Variants in CSMD1 observed in about 807,000 individuals in gnomAD.
The protein encoded by CSMD1 is CUB and Sushi multiple domains 1, also known as CUB and sushi domain-containing protein 1.
Under a neutral mutation model 417.5 loss-of-function variants are expected in CSMD1, and 213 were observed. The ratio of observed to expected loss-of-function variants is 0.51; its 90% CI spans 0.46 to 0.57. CSMD1 has a LOEUF of 0.57. Among genes scored for constraint, CSMD1 ranks in the 20% least tolerant of loss-of-function variants. The pLI, the probability that CSMD1 is intolerant of heterozygous loss-of-function variation, is 0.00. For synonymous variants in CSMD1, 2,862 were observed against 1,736.8 expected, an observed-to-expected ratio of 1.65 and a Z score of -16.11; for missense variants, 6,923 against 4,529.7, an observed-to-expected ratio of 1.53 and a Z score of -15.17.
intron 2 of CSMD1, among the ~76,000 whole-genome samples, chr8:4,544,135 T>G (rs1292843277): frequency 6.6e-6 from 1 of 152,160 alleles, no homozygotes; most frequent in Non-Finnish European, 1.5e-5. Flanking sequence ...AAGTCCAACT[T>G]AAATGATTTT....
Position 3,818,018 on chromosome 8 carries a change from C to T in CSMD1, c.819-63976G>A, listed in dbSNP as rs566939906. On this transcript the variant is annotated intron_variant, in intron 5 of 69. Coordinates refer to ENST00000635120, the MANE Select transcript of CSMD1 (RefSeq NM_033225.6). ...AGCCCATTTTTACTTTATTTTAAAA[C>T]CTTCCAACCCCAAACCACGACTCTC... is the stretch of plus-strand genomic sequence containing the variant. Among the ~76,000 whole-genome samples, 4 of 152,284 alleles carry T rather than the reference C, an allele frequency of 2.6e-5. No individual in the cohort carries two copies. In the South Asian group the frequency reaches 6.2e-4, roughly 24 times the overall value.
At chr8:3,470,014 C>T (rs758320586) in intron 11 of CSMD1, among the ~76,000 whole-genome samples, 3 of 152,070 alleles carry the variant, frequency 2.0e-5, no homozygotes, top group South Asian at 2.1e-4. Flanking sequence ...AGCCAAAAAG[C>T]GCACAGATCG....
At chr8:4,317,884 C>A (rs1301100206) in intron 3 of CSMD1, among the ~76,000 whole-genome samples, 2 of 152,100 alleles carry the variant, frequency 1.3e-5, no homozygotes, top group Middle Eastern at 3.2e-3. Flanking sequence ...AAAATATGTT[C>A]TGTCTTTCAG....
intron 5 of CSMD1, among the ~76,000 whole-genome samples, chr8:3,813,096 T>C (rs1585035830): frequency 6.6e-6 from 1 of 151,732 alleles, no homozygotes; most frequent in African/African-American, 2.4e-5. Context: ...AGCTAGTTTT[T>C]TTTTTTTTTT....
intron 49 of CSMD1, among the ~76,000 whole-genome samples, chr8:3,080,535 C>G (rs986804296): frequency 6.6e-6 from 1 of 152,156 alleles, no homozygotes; most frequent in Non-Finnish European, 1.5e-5. Flanking sequence ...GGTAGCGAAA[C>G]TTTTATTTGC....
At chr8:3,441,020 T>A (rs1376140344) in intron 12 of CSMD1, among the ~76,000 whole-genome samples, 2 of 152,148 alleles carry the variant, frequency 1.3e-5, no homozygotes, top group Admixed American at 1.3e-4. Context: ...ATTATGTTGG[T>A]GTCCCCACAT....
At chr8:4,763,126 G>A (rs944145643) in intron 1 of CSMD1, among the ~76,000 whole-genome samples, 2 of 152,164 alleles carry the variant, frequency 1.3e-5, no homozygotes, top group Admixed American at 1.3e-4. Context: ...AAGTTACAAA[G>A]ACGAAGAGGT....
chr8:4,213,274 G>C (rs77063566), intron 3 of CSMD1, among the ~76,000 whole-genome samples: 2 of 152,138 alleles, frequency 1.3e-5, no homozygotes, highest in South Asian at 2.1e-4. Context: ...GCGGGGTCCT[G>C]TCAGGTCTAA....
At chr8:4,480,893 G>A (rs1290854954) in intron 2 of CSMD1, among the ~76,000 whole-genome samples, 1 of 152,070 alleles carries the variant, frequency 6.6e-6, no homozygotes, top group African/African-American at 2.4e-5. Flanking sequence ...GATTCCTGGG[G>A]TACATCCCTA....
At chr8:4,161,331 C>T (rs1186173142) in intron 3 of CSMD1, among the ~76,000 whole-genome samples, 3 of 152,194 alleles carry the variant, frequency 2.0e-5, no homozygotes, top group Non-Finnish European at 4.4e-5. Context: ...AGAATTAGGG[C>T]TAAAATCCCG....
intron 4 of CSMD1, among the ~76,000 whole-genome samples, chr8:4,013,402 C>G (rs187721090): frequency 4.6e-4 from 70 of 152,246 alleles, no homozygotes; most frequent in Non-Finnish European, 5.7e-4. Flanking sequence ...AGGGCTCACT[C>G]TGTCCCGTTC....
intron 3 of CSMD1, among the ~76,000 whole-genome samples, chr8:4,078,438 T>C (rs947732196): frequency 4.0e-5 from 6 of 151,082 alleles, no homozygotes; most frequent in African/African-American, 7.3e-5. Flanking sequence ...CCTCAGCCTC[T>C]TGAATAGCTG....
chr8:3,249,256 C>G (rs1343417145), intron 26 of CSMD1, among the ~76,000 whole-genome samples: 3 of 152,156 alleles, frequency 2.0e-5, no homozygotes, highest in African/African-American at 4.8e-5. Flanking sequence ...GAGACTCACT[C>G]TGTTGCCCAG....
At chr8:4,963,354 C>A (rs900379387) in intron 1 of CSMD1, among the ~76,000 whole-genome samples, 1 of 152,068 alleles carries the variant, frequency 6.6e-6, no homozygotes, top group Non-Finnish European at 1.5e-5. Flanking sequence ...CACACACCAC[C>A]CTGCCCAGCT....
chr8:4,524,143 C>A (rs551969166), intron 2 of CSMD1, among the ~76,000 whole-genome samples: 1 of 151,762 alleles, frequency 6.6e-6, no homozygotes, highest in Non-Finnish European at 1.5e-5. Context: ...AAATCCAGAC[C>A]TATGCATCAT....
At chr8:4,805,817 A>G (rs1798555649) in intron 1 of CSMD1, among the ~76,000 whole-genome samples, 1 of 152,314 alleles carries the variant, frequency 6.6e-6, no homozygotes, top group Middle Eastern at 3.4e-3. Flanking sequence ...GTCCTGGAAC[A>G]TGGAAAACTC....
In CSMD1 at chr8:3,534,248, T is replaced by C. The variant is rs55873290; in HGVS notation, c.1345-40522A>G. Among the ~76,000 whole-genome samples the C allele has an allele frequency of 2.9e-4, 44 of 152,300 alleles. 1 individual carries two copies. The highest frequency in any genetic ancestry group is 9.9e-4 in the African/African-American group (41 of 41,568). ...GGTAGTCCAGAAGATCTGCATTCAA[T>C]TATCTAACTCACTTATTAATCTTTC... is the stretch of plus-strand genomic sequence containing the variant. On this transcript the variant is annotated intron_variant, in intron 10 of 69. Coordinates refer to ENST00000635120, the MANE Select transcript of CSMD1 (RefSeq NM_033225.6).
At chr8:4,643,564 G>A (rs1184548159) in intron 1 of CSMD1, among the ~76,000 whole-genome samples, 2 of 152,084 alleles carry the variant, frequency 1.3e-5, no homozygotes, top group African/African-American at 2.4e-5. Flanking sequence ...GGTCCATTGC[G>A]ATTTTCAGTG....
chr8:4,611,823 G>C (rs1158425161), intron 2 of CSMD1, among the ~76,000 whole-genome samples: 3 of 152,244 alleles, frequency 2.0e-5, no homozygotes, highest in South Asian at 4.1e-4. Flanking sequence ...TTTAACCTCA[G>C]CTTAAAATGG....
Sources: allele counts gnomAD v4.1 joint callset (sites outside exome capture counted in the v4.1 genomes callset), GRCh38; gene constraint gnomAD v4.1.1; transcripts MANE v1.5; gene names NCBI Gene and HGNC (gene_info 2026-07-23, HGNC 2026-07-21).